EZH1: variants seen among roughly 807,000 people sequenced by gnomAD.
EZH1 encodes enhancer of zeste 1 polycomb repressive complex 2 subunit, also known as histone-lysine N-methyltransferase EZH1.
A neutral mutation model predicts 100.5 loss-of-function variants in EZH1; 33 were observed. The ratio of observed to expected loss-of-function variants is 0.33; its 90% CI spans 0.25 to 0.44. The LOEUF is 0.44. Among genes scored for constraint, EZH1 ranks in the 20% least tolerant of loss-of-function variants. EZH1 has a pLI of 1.00. For missense variants in EZH1, 475 were observed against 928.4 expected (o/e 0.51, Z 6.35); for synonymous variants, 272 against 313.8 (o/e 0.87, Z 1.41).
intron 12 of EZH1, among the ~76,000 whole-genome samples, 199 bp downstream of exon 12, chr17:42,712,090 G>C (rs903760419): frequency 1.3e-5 from 2 of 152,176 alleles, no homozygotes; most frequent in African/African-American, 4.8e-5. Flanking sequence ...GGAGGAGGCG[G>C]GTCCCCAAAC....
chr17:42,732,193 G>A (rs1239661817), intron 1 of EZH1, among the ~76,000 whole-genome samples: 1 of 152,100 alleles, frequency 6.6e-6, no homozygotes, highest in Non-Finnish European at 1.5e-5. Flanking sequence ...AATGTGCAGT[G>A]GCTCATGCCT....
chr17:42,735,767 C>A (rs2054053343), intron 1 of EZH1, among the ~76,000 whole-genome samples: 1 of 152,160 alleles, frequency 6.6e-6, no homozygotes, highest in African/African-American at 2.4e-5. Flanking sequence ...GCGGGTGGAT[C>A]ACAAGGTCAG....
At chr17:42,710,200 T>C (rs2053448361) in intron 12 of EZH1, among the ~76,000 whole-genome samples, 1 of 152,184 alleles carries the variant, frequency 6.6e-6, no homozygotes, top group Non-Finnish European at 1.5e-5. Context: ...CCTACTACTC[T>C]TTCTACCAAG....
At position 42,718,819 on chromosome 17, in the gene EZH1, T is replaced by C. The variant is rs1597841214; in HGVS notation, c.768-202A>G. 1.3e-5 allele frequency among the ~76,000 whole-genome samples: 2 copies of C among 152,030 alleles called. 1 individual carries two copies. ...GCTGGGTTGGGCAAATGTTGGAAAG[T>C]AAGGGGAGGGAAGGATTTGTTAAGA... On this transcript the variant is annotated intron_variant, in intron 8 of 20. Transcript: ENST00000428826. The surrounding 1 kb of genome is among the most constrained non-coding windows in gnomAD (Gnocchi z 4.2).
chr17:42,736,482 T>A (rs2054066069), intron 1 of EZH1, among the ~76,000 whole-genome samples: 1 of 152,222 alleles, frequency 6.6e-6, no homozygotes, highest in African/African-American at 2.4e-5. Flanking sequence ...GGAATACTAT[T>A]CAGCAACAAA....
chr17:42,726,916 C>G (rs1357834437), intron 4 of EZH1, among the ~76,000 whole-genome samples: 2 of 152,046 alleles, frequency 1.3e-5, no homozygotes. Context: ...GTGGTGTGAT[C>G]TTGGCTCACT....
Position 42,718,268 on chromosome 17 carries a change from G to A in EZH1, c.931+186C>T, listed in dbSNP as rs1032164896. The A allele has an allele frequency of 3.4e-5, 29 of 864,788 alleles. 1 individual carries two copies. The Middle Eastern group carries it at 2.1e-3, about 63-fold the overall frequency. The allele number at this position is 864,788 out of a possible 1,614,324, so 53.6% of individuals were successfully genotyped here. A position where few individuals can be genotyped will look rare whatever the true frequency, so the allele number is the denominator to read the frequency against. On this transcript the variant is annotated intron_variant, in intron 9 of 20. Coordinates refer to ENST00000428826, the MANE Select transcript of EZH1 (RefSeq NM_001991.5). This position sits in a 1 kb window ranked among gnomAD's most constrained non-coding sequence, Gnocchi z 4.2. ...GTACTGAGGGACAGATAAGTTGCTAGTTAGTCTGTCCCTATCATGCAAAGC... is the reference window on the plus strand; with the variant it reads ...GTACTGAGGGACAGATAAGTTGCTAATTAGTCTGTCCCTATCATGCAAAGC...
intron 12 of EZH1, among the ~76,000 whole-genome samples, chr17:42,711,009 G>A (rs2053471001): frequency 6.6e-6 from 1 of 152,008 alleles, no homozygotes; most frequent in African/African-American, 2.4e-5. Context: ...CAAAGCATTG[G>A]GGTTCCTTTC....
intron 12 of EZH1, among the ~76,000 whole-genome samples, chr17:42,711,403 G>C (rs1199924285): frequency 1.3e-5 from 2 of 152,156 alleles, no homozygotes; most frequent in African/African-American, 4.8e-5. Flanking sequence ...AACCTGGGAG[G>C]CGGAGGCTGC....
chr17:42,730,589 C>A (rs966606471), intron 2 of EZH1, among the ~76,000 whole-genome samples: 1 of 147,616 alleles, frequency 6.8e-6, no homozygotes, highest in Non-Finnish European at 1.5e-5. Context: ...CTCCGCCTCC[C>A]GGGTTCACGC....
At chr17:42,723,084 A>C (rs1367458278) in intron 5 of EZH1, among the ~76,000 whole-genome samples, 169 bp from the exon 6 acceptor site, 1 of 152,132 alleles carries the variant, frequency 6.6e-6, no homozygotes, top group Non-Finnish European at 1.5e-5. Context: ...GGCCAAAAAA[A>C]CCTCAAATGG....
rs1051889239 is a variant in EZH1 at position 42,704,955 on chromosome 17, C to T, written c.1935+133G>A. The stretch of plus-strand genomic sequence containing the variant: ...AGTACTGCAAACGGTTCTGTGGGAT[C>T]TCCCCAAGAGGCCACGTGAGAACAC... On this transcript the variant is annotated intron_variant, in intron 17 of 20. Transcript: ENST00000428826. The T allele has an allele frequency of 6.6e-6, 5 of 762,194 alleles. No individual in the cohort carries two copies. In the African/African-American group the frequency reaches 7.0e-5, roughly 11 times the overall value. 47.2% of individuals were successfully genotyped at this position (762,194 alleles called of 1,614,324 possible). A position where few individuals can be genotyped will look rare whatever the true frequency, so the allele number is the denominator to read the frequency against.
chr17:42,703,944 A>G, intron 18 of EZH1, 124 bp from the exon 19 acceptor site: 1 of 757,576 alleles, frequency 1.3e-6, no homozygotes, highest in Non-Finnish European at 2.3e-6. Flanking sequence ...GTTGAAGCCC[A>G]GTGTGCTAAC....
rs1225219534 is a variant in EZH1, at chr17:42,718,759, G to A, written c.768-142C>T. On this transcript the variant is annotated intron_variant, in intron 8 of 20. Coordinates refer to ENST00000428826, the MANE Select transcript of EZH1 (RefSeq NM_001991.5). This position sits in a 1 kb window ranked among gnomAD's most constrained non-coding sequence, Gnocchi z 4.2. ...TATAGGTCTGGTTGATAAGAGAATG[G>A]TAGATAACTAGAGTGGGTCCACCAT... The A allele has an allele frequency of 3.8e-6, 3 of 789,616 alleles. No individual in the cohort carries two copies. Among genetic ancestry groups the A allele is most frequent in the Non-Finnish European group, 6.0e-6 (3 of 502,424 alleles). The allele number at this position is 789,616 out of a possible 1,614,324, so 48.9% of individuals were successfully genotyped here. A position where few individuals can be genotyped will look rare whatever the true frequency, so the allele number is the denominator to read the frequency against.
chr17:42,732,761 T>C (rs934371838), intron 1 of EZH1, among the ~76,000 whole-genome samples: 1 of 151,876 alleles, frequency 6.6e-6, no homozygotes, highest in Admixed American at 6.6e-5. Context: ...AGCGAGACTC[T>C]GTCTCAAAAC....
chr17:42,743,436 G>A (rs2054215918), intron 1 of EZH1, among the ~76,000 whole-genome samples: 1 of 150,130 alleles, frequency 6.7e-6, no homozygotes, highest in African/African-American at 2.5e-5. Context: ...CTCCCAAAGT[G>A]TTGGGATTAC....
Position 42,702,978 on chromosome 17 carries a change from C to G in EZH1, c.2099-17G>C. The G allele has an allele frequency of 1.2e-6, 2 of 1,613,848 alleles. No homozygotes were observed. The highest frequency in any genetic ancestry group is 1.1e-5 in the South Asian group (1 of 91,080). ...CCATGACCACTGCAAGCAGGATAAACCCGAGGCTAGGTTCCTACCCAACTC... is the reference window on the plus strand; with the variant it reads ...CCATGACCACTGCAAGCAGGATAAAGCCGAGGCTAGGTTCCTACCCAACTC... On this transcript the variant is annotated splice_polypyrimidine_tract_variant and intron_variant, in intron 19 of 20. Coordinates refer to ENST00000428826, the MANE Select transcript of EZH1 (RefSeq NM_001991.5).
At chr17:42,719,605 T>C (rs1026974880) in intron 7 of EZH1, among the ~76,000 whole-genome samples, 7 of 152,106 alleles carry the variant, frequency 4.6e-5, no homozygotes, top group Admixed American at 4.6e-4. Flanking sequence ...GGCATGGTGG[T>C]GCATGCCTAT....
In EZH1 at chr17:42,745,037, T is replaced by G; in HGVS notation, c.-129A>C. ...CTCCATCCCGAGCCGCGGGTCCCGC[T>G]GCTAGGACGCATGCGCGCCGCGGCC... is the stretch of plus-strand genomic sequence containing the variant. On this transcript the variant is annotated 5_prime_UTR_variant, in exon 1 of 21. Transcript: ENST00000428826. 4 of 1,268,908 alleles carry G rather than the reference T, an allele frequency of 3.2e-6. No individual in the cohort carries two copies. Among genetic ancestry groups the G allele is most frequent in the Non-Finnish European group, 4.1e-6 (4 of 980,242 alleles). 78.6% of individuals were successfully genotyped at this position (1,268,908 alleles called of 1,614,324 possible).
Sources: allele counts gnomAD v4.1 joint callset (sites outside exome capture counted in the v4.1 genomes callset), GRCh38; gene constraint gnomAD v4.1.1; non-coding constraint Gnocchi (gnomAD v3.1); transcripts MANE v1.5; gene names NCBI Gene and HGNC (gene_info 2026-07-23, HGNC 2026-07-21).